The following EARS2 variants were observed in gnomAD, a reference collection of about 807,000 sequenced individuals.
The protein encoded by EARS2 is nondiscriminating glutamyl-tRNA synthetase EARS2, mitochondrial.
In EARS2, 50 loss-of-function variants were observed where a neutral mutation model predicts 54.1. That is an observed-to-expected ratio of 0.92 (90% CI 0.74 to 1.17). The LOEUF is 1.17. EARS2 is among the 50% of genes most tolerant of loss of function. The pLI, the probability that EARS2 is intolerant of heterozygous loss-of-function variation, is 0.00. For missense variants in EARS2, 673 were observed against 675.0 expected, an observed-to-expected ratio of 1.00 and a Z score of 0.03; for synonymous variants, 298 against 281.0, an observed-to-expected ratio of 1.06 and a Z score of -0.61.
intron 3 of EARS2, among the ~76,000 whole-genome samples, chr16:23,539,984 T>C (rs1194587864): frequency 1.3e-5 from 2 of 152,028 alleles, no homozygotes; most frequent in Non-Finnish European, 2.9e-5. Context: ...ACCCCGTCTC[T>C]ACCAAAAAAT....
chr16:23,534,944 C>T lies in EARS2; in HGVS notation c.902G>A (p.Gly301Asp). 6.2e-7 allele frequency: 1 copy of T among 1,607,310 alleles called. No individual in the cohort carries two copies. Among genetic ancestry groups the T allele is most frequent in the Non-Finnish European group, 8.5e-7 (1 of 1,175,624 alleles). The change falls in exon 4 of 9, where the codon GGC becomes GAC. Residue 301 changes from glycine (G) to aspartate (D), a missense_variant. Around this residue, in one of 3 missense-constraint regions of EARS2, gnomAD observed 338 missense variants for 361.2 expected, o/e 0.94. Transcript: ENST00000449606. ...DVFLEHFAAD[G>D]FLPDSLLDII... ...GTCCAACAAGGAATCGGGCAGGAAG[C>T]CATCAGCAGCAAAGTGCTCCAGGAA...
chr16:23,530,601 G>C (rs1336130379), intron 5 of EARS2, among the ~76,000 whole-genome samples: 2 of 152,138 alleles, frequency 1.3e-5, no homozygotes, highest in Non-Finnish European at 2.9e-5. Flanking sequence ...GCCAGGTGCA[G>C]TGGCTCACTT....
rs8046938 is a variant in EARS2 at position 23,522,077 on chromosome 16, A to G, written c.*2294T>C. ...AAGGCATTTACGAGCATTATCTGACACCTGGGAGAGGGTGAGGCTCATATA... is the reference window on the plus strand; with the variant it reads ...AAGGCATTTACGAGCATTATCTGACGCCTGGGAGAGGGTGAGGCTCATATA... On this transcript the variant is annotated 3_prime_UTR_variant, in exon 9 of 9. Coordinates refer to ENST00000449606, the MANE Select transcript of EARS2 (RefSeq NM_001083614.2). 6.0e-3 allele frequency: 1,845 copies of G among 309,890 alleles called. 31 individuals are homozygous for G. Among genetic ancestry groups the G allele is most frequent in the African/African-American group, 0.037 (1,713 of 46,466 alleles). The allele number at this position is 309,890 out of a possible 1,614,324, so 19.2% of individuals were successfully genotyped here.
At position 23,521,989 on chromosome 16, in the gene EARS2, C is replaced by CA; in HGVS notation, c.*2381dup. ...AGAACCTCGGTTTCCATATCTGTAA[C>CA]AGAAAAAAAAAATACTGCTTCTCTC... On this transcript the variant is annotated 3_prime_UTR_variant, in exon 9 of 9. Coordinates refer to ENST00000449606, the MANE Select transcript of EARS2 (RefSeq NM_001083614.2). The CA allele has an allele frequency of 6.0e-6, 2 of 334,224 alleles. No homozygotes were observed. Among genetic ancestry groups the CA allele is most frequent in the Non-Finnish European group, 1.2e-5 (2 of 167,266 alleles). The allele number at this position is 334,224 out of a possible 1,614,324, so 20.7% of individuals were successfully genotyped here. A position where few individuals can be genotyped will look rare whatever the true frequency, so the allele number is the denominator to read the frequency against.
intron 5 of EARS2, 159 bp downstream of exon 5, chr16:23,532,498 C>T (rs1006887911): frequency 3.6e-6 from 2 of 548,382 alleles, no homozygotes; most frequent in South Asian, 2.7e-5. Context: ...GTTATTAATC[C>T]CATTTTAGAG....
chr16:23,546,050 C>G (rs541995116), intron 2 of EARS2, among the ~76,000 whole-genome samples: 68 of 152,162 alleles, frequency 4.5e-4, no homozygotes, highest in Non-Finnish European at 8.7e-4. Context: ...GCCTCCTGTG[C>G]AGAGGGAATT....
Position 23,544,844 on chromosome 16 carries a change from C to A in EARS2, c.296-141G>T, listed in dbSNP as rs565893218. 1.0e-5 allele frequency: 8 copies of A among 789,918 alleles called. No homozygotes were observed. In the South Asian group the frequency reaches 1.7e-4, roughly 17 times the overall value. 48.9% of individuals were successfully genotyped at this position (789,918 alleles called of 1,614,324 possible). On this transcript the variant is annotated intron_variant, in intron 2 of 8. Coordinates refer to ENST00000449606, the MANE Select transcript of EARS2 (RefSeq NM_001083614.2). ...GGCATTAGTACAATGTCCTCCCCGC[C>A]GCCTTTTTTTTTGAGGCAGAGTCTT...
intron 1 of EARS2, chr16:23,556,875 G>C (rs921742983): frequency 1.7e-6 from 1 of 576,314 alleles, no homozygotes; most frequent in Non-Finnish European, 3.3e-6. Flanking sequence ...GACTTCCACA[G>C]AGCAAGGCCC....
chr16:23,556,600 G>C (rs940330943), intron 1 of EARS2: 1 of 289,396 alleles, frequency 3.5e-6, no homozygotes, highest in South Asian at 3.1e-5. Flanking sequence ...CTCAAGTGAT[G>C]CACCCACCTC....
chr16:23,547,603 C>G (rs1265903241), intron 2 of EARS2, among the ~76,000 whole-genome samples: 1 of 152,130 alleles, frequency 6.6e-6, no homozygotes. Context: ...CCTCCCGGTT[C>G]AAGCAATTCT....
chr16:23,531,782 C>T (rs1007470699), intron 5 of EARS2, among the ~76,000 whole-genome samples: 3 of 152,212 alleles, frequency 2.0e-5, no homozygotes, highest in Non-Finnish European at 4.4e-5. Flanking sequence ...AGACCCTCAC[C>T]CCAGGTGCAC....
At chr16:23,530,224 C>CCTT (rs1159173514) in intron 5 of EARS2, among the ~76,000 whole-genome samples, 1 of 152,100 alleles carries the variant, frequency 6.6e-6, no homozygotes, top group Non-Finnish European at 1.5e-5. Context: ...CTCCTAGGCT[C>CCTT]AAGCGATCCT....
intron 3 of EARS2, among the ~76,000 whole-genome samples, chr16:23,539,266 A>C (rs1042602878): frequency 6.6e-6 from 1 of 152,170 alleles, no homozygotes; most frequent in African/African-American, 2.4e-5. Flanking sequence ...CAGATCTTTT[A>C]GTTTCAACTA....
At chr16:23,538,826 G>C (rs1965466401) in intron 3 of EARS2, among the ~76,000 whole-genome samples, 1 of 152,108 alleles carries the variant, frequency 6.6e-6, no homozygotes, top group African/African-American at 2.4e-5. Flanking sequence ...CATCGCTCCA[G>C]CCTGGGTGAC....
chr16:23,544,802 T>C (rs1374180600), intron 2 of EARS2, 99 bp from the exon 3 acceptor site: 23 of 1,125,640 alleles, frequency 2.0e-5, no homozygotes, highest in Non-Finnish European at 2.6e-5. Context: ...TTAATCCTCA[T>C]AACAATCCAT....
chr16:23,536,682 CTTTTT>C (rs953231916), intron 3 of EARS2, among the ~76,000 whole-genome samples: 151 of 113,522 alleles, frequency 1.3e-3, no homozygotes, highest in African/African-American at 4.6e-3. Context: ...CTTTTTTTTT[CTTTTT>C]TTTTTTTTTT....
At chr16:23,524,516 A>C in intron 8 of EARS2, 62 bp from the exon 9 acceptor site, 2 of 1,440,072 alleles carry the variant, frequency 1.4e-6, no homozygotes, top group Non-Finnish European at 2.0e-6. Context: ...ACTGAAGCTC[A>C]GCCTTAGTCT....
rs1965143160 is a variant in EARS2 at position 23,521,599 on chromosome 16, A to T, written c.*2772T>A. On this transcript the variant is annotated 3_prime_UTR_variant, in exon 9 of 9. Transcript: ENST00000449606. ...TTTTTTGTAGAGACAGGATCTCACT[A>T]TGTTGCCCAGGCTGGTCTCCAAACT... Among the ~76,000 whole-genome samples, 1 of 152,012 alleles carries T rather than the reference A, an allele frequency of 6.6e-6. No individual in the cohort carries two copies. Among genetic ancestry groups the T allele is most frequent in the South Asian group, 2.1e-4 (1 of 4,816 alleles).
At chr16:23,555,410 C>T (rs1965759808) in intron 1 of EARS2, among the ~76,000 whole-genome samples, 1 of 152,158 alleles carries the variant, frequency 6.6e-6, no homozygotes, top group Non-Finnish European at 1.5e-5. Context: ...ATCACTTGAG[C>T]CCCGGAGGCT....
Sources: allele counts gnomAD v4.1 joint callset (sites outside exome capture counted in the v4.1 genomes callset), GRCh38; gene constraint gnomAD v4.1.1; regional missense constraint gnomAD v4.1.1; transcripts MANE v1.5; gene names NCBI Gene and HGNC (gene_info 2026-07-23, HGNC 2026-07-21).